VWA8: variants seen among roughly 807,000 people sequenced by gnomAD.
The protein encoded by VWA8 is von Willebrand factor A domain containing 8.
Under a neutral mutation model 241.5 loss-of-function variants are expected in VWA8, and 221 were observed. The ratio of observed to expected loss-of-function variants is 0.91; its 90% CI spans 0.82 to 1.02. The LOEUF is 1.02. Ranked by LOEUF, VWA8 falls within the 50% of genes least tolerant of loss-of-function variation. VWA8 has a pLI of 0.00. For synonymous variants in VWA8, 852 were observed against 827.1 expected, an observed-to-expected ratio of 1.03 and a Z score of -0.52; for missense variants, 2,322 against 2,328.7, an observed-to-expected ratio of 1.00 and a Z score of 0.06.
chr13:41,755,035 A>C (rs2045684332), intron 21 of VWA8, among the ~76,000 whole-genome samples: 1 of 152,010 alleles, frequency 6.6e-6, no homozygotes, highest in African/African-American at 2.4e-5. Flanking sequence ...TGCTTCTTCC[A>C]AATCTTGGCT....
intron 21 of VWA8, among the ~76,000 whole-genome samples, chr13:41,744,587 T>TAAAAC (rs67574276): frequency 0.31 from 47,475 of 151,100 alleles, 7,816 homozygotes; most frequent in South Asian, 0.37. Flanking sequence ...TTTATAAAAC[T>TAAAAC]AAAACAAAAC....
In VWA8 at chr13:41,605,245, C is replaced by A. The variant is rs750635115; in HGVS notation, c.4909G>T (p.Ala1637Ser). ...CCTGAAAACCTTTCATAGGTTGCAG[C>A]ATCGTATTCACTCATTTGGATCTCC... ...LKEIQMSEYD[A>S]ATYERFSGAV... The change falls in exon 40 of 45, where the codon GCT (alanine) becomes TCT (serine). Residue 1637 changes from alanine to serine, a missense_variant. Physicochemically the swap from Ala to Ser is moderately conservative, Grantham distance 99. Transcript: ENST00000379310. 1 of 1,613,096 alleles carries A rather than the reference C, an allele frequency of 6.2e-7. No individual in the cohort carries two copies. Among genetic ancestry groups the A allele is most frequent in the Non-Finnish European group, 8.5e-7 (1 of 1,179,296 alleles).
intron 26 of VWA8, among the ~76,000 whole-genome samples, chr13:41,705,844 AAAAT>A (rs2045279746): frequency 6.6e-6 from 1 of 152,180 alleles, no homozygotes; most frequent in Non-Finnish European, 1.5e-5. Context: ...CTCTGAAGTG[AAAAT>A]AAATAATCAG....
Position 41,625,916 on chromosome 13 carries a change from T to G in VWA8, c.4612-10832A>C, listed in dbSNP as rs867123362. 3.3e-3 allele frequency among the ~76,000 whole-genome samples: 496 copies of G among 149,616 alleles called. 5 individuals are homozygous for G. The highest frequency in any genetic ancestry group is 9.6e-3 in the African/African-American group (388 of 40,328). ...ACTATGCAGCCATAAAAAATGATGA[T>G]TTCATGTCCTTTGTAGGGACGTGGA... On this transcript the variant is annotated intron_variant, in intron 37 of 44. Transcript: ENST00000379310.
chr13:41,708,128 C>G (rs1027793941), intron 26 of VWA8, among the ~76,000 whole-genome samples: 1 of 151,964 alleles, frequency 6.6e-6, no homozygotes, highest in Admixed American at 6.6e-5. Flanking sequence ...GAGGCCGAGG[C>G]GGGCGGATCA....
Position 41,570,085 on chromosome 13 carries a change from C to T in VWA8, c.5609+383G>A, listed in dbSNP as rs570250232. ...TCATACACACACACTATCTCCTATG[C>T]TAGGAAAATAGTAGATGTTCACGAT... On this transcript the variant is annotated intron_variant, in intron 44 of 44. Transcript: ENST00000379310. 9.2e-5 allele frequency among the ~76,000 whole-genome samples: 14 copies of T among 152,118 alleles called. No homozygotes were observed. In the East Asian group the frequency reaches 2.7e-3, roughly 29 times the overall value.
intron 1 of VWA8, among the ~76,000 whole-genome samples, chr13:41,955,594 T>C (rs1311488521): frequency 6.6e-6 from 1 of 152,208 alleles, no homozygotes; most frequent in Non-Finnish European, 1.5e-5. Context: ...AGTAAGTCCA[T>C]TAAGTTGGTG....
At chr13:41,581,399 C>A (rs899707031) in intron 42 of VWA8, among the ~76,000 whole-genome samples, 3 of 152,208 alleles carry the variant, frequency 2.0e-5, no homozygotes, top group African/African-American at 7.2e-5. Context: ...ATTACATAAT[C>A]CCTAACACAA....
intron 17 of VWA8, among the ~76,000 whole-genome samples, chr13:41,799,221 C>G (rs1456888036): frequency 6.6e-6 from 1 of 152,008 alleles, no homozygotes; most frequent in Non-Finnish European, 1.5e-5. Flanking sequence ...TTACAATGAC[C>G]AAATATTCAG....
intron 20 of VWA8, among the ~76,000 whole-genome samples, chr13:41,772,890 G>A (rs1235800945): frequency 2.0e-5 from 3 of 152,182 alleles, no homozygotes; most frequent in African/African-American, 7.2e-5. Context: ...TAAACCTTCA[G>A]ATACCTCAAA....
chr13:41,828,892 A>C (rs888177202), intron 14 of VWA8, among the ~76,000 whole-genome samples: 7 of 151,782 alleles, frequency 4.6e-5, no homozygotes, highest in African/African-American at 1.7e-4. Context: ...CTCCTCCAGG[A>C]TTCAGTCAAG....
At chr13:41,647,220 G>GATCCAA (rs1333509630) in intron 37 of VWA8, among the ~76,000 whole-genome samples, 121 of 152,246 alleles carry the variant, frequency 7.9e-4, no homozygotes, top group African/African-American at 2.8e-3. Flanking sequence ...GCCTGCCTGT[G>GATCCAA]GTAAAACTTA....
At chr13:41,646,377 G>A (rs193242894) in intron 37 of VWA8, among the ~76,000 whole-genome samples, 8 of 152,256 alleles carry the variant, frequency 5.3e-5, no homozygotes, top group East Asian at 1.9e-4. Context: ...ACCACGTGCC[G>A]GTGCCCTGAT....
At chr13:41,745,095 TC>T (rs1332677994) in intron 21 of VWA8, among the ~76,000 whole-genome samples, 1 of 152,104 alleles carries the variant, frequency 6.6e-6, no homozygotes, top group Non-Finnish European at 1.5e-5. Flanking sequence ...CGCCTTGGCT[TC>T]CCAAAGTACT....
At chr13:41,720,347 G>A (rs1025132571) in intron 25 of VWA8, among the ~76,000 whole-genome samples, 2 of 151,958 alleles carry the variant, frequency 1.3e-5, no homozygotes, top group African/African-American at 2.4e-5. Flanking sequence ...TGGCTGAATT[G>A]GACTTACGGT....
chr13:41,730,179 A>G (rs868316247), intron 22 of VWA8, among the ~76,000 whole-genome samples: 21 of 152,174 alleles, frequency 1.4e-4, no homozygotes, highest in African/African-American at 3.9e-4. Flanking sequence ...AAGAGAATCA[A>G]TGGTCAAACT....
At chr13:41,596,497 T>C (rs189929371) in intron 40 of VWA8, among the ~76,000 whole-genome samples, 75 of 152,232 alleles carry the variant, frequency 4.9e-4, no homozygotes, top group Admixed American at 1.6e-3. Flanking sequence ...TATGCTTTTG[T>C]TTATAATAAA....
chr13:41,604,399 T>C (rs536260439), intron 40 of VWA8, among the ~76,000 whole-genome samples: 1 of 152,280 alleles, frequency 6.6e-6, no homozygotes, highest in East Asian at 1.9e-4. Context: ...AGATCTTTCC[T>C]CCTGGAAATG....
Position 41,727,851 on chromosome 13 carries a change from T to C in VWA8, c.2639-538A>G, listed in dbSNP as rs191110295. 5.3e-5 allele frequency among the ~76,000 whole-genome samples: 8 copies of C among 152,200 alleles called. No individual in the cohort carries two copies. In the South Asian group the frequency reaches 1.7e-3, roughly 32 times the overall value. On this transcript the variant is annotated intron_variant, in intron 23 of 44. Coordinates refer to ENST00000379310, the MANE Select transcript of VWA8 (RefSeq NM_015058.2). ...AAACCTAGTCAACTCATTAGTACAATGTTGATTTATTTCCAGTCATGGGAT... is the reference window on the plus strand; with the variant it reads ...AAACCTAGTCAACTCATTAGTACAACGTTGATTTATTTCCAGTCATGGGAT...
Sources: gnomAD v4.1 joint callset for allele counts (sites outside exome capture counted in the v4.1 genomes callset) on GRCh38, gnomAD v4.1.1 for gene constraint, MANE v1.5 for transcripts, NCBI Gene and HGNC (gene_info 2026-07-23, HGNC 2026-07-21) for gene names.